Variants in CADPS2 observed in about 807,000 individuals in gnomAD.
CADPS2 encodes the protein calcium dependent secretion activator 2.
In CADPS2, 93 loss-of-function variants were observed where a neutral mutation model predicts 172.5. That is an observed-to-expected ratio of 0.54 (90% CI 0.46 to 0.64). The LOEUF (loss-of-function observed/expected upper bound fraction) is 0.64. CADPS2 is among the 30% of genes least tolerant of loss of function. The probability of loss-of-function intolerance (pLI) is 0.00; values close to 1 mark genes in which losing one functional copy is unlikely to be tolerated. For synonymous variants in CADPS2, 546 were observed against 555.2 expected (o/e 0.98, Z 0.23); for missense variants, 1,420 against 1,565.9 (o/e 0.91, Z 1.57).
At chr7:122,851,270 A>G (rs1813522671) in intron 1 of CADPS2, among the ~76,000 whole-genome samples, 1 of 152,104 alleles carries the variant, frequency 6.6e-6, no homozygotes, top group South Asian at 2.1e-4. Flanking sequence ...GTCCCCAGGG[A>G]TGTTCAACTG....
At chr7:122,820,500 C>CCA (rs201202910) in intron 1 of CADPS2, among the ~76,000 whole-genome samples, 2,060 of 148,356 alleles carry the variant, frequency 0.014, 53 homozygotes, top group African/African-American at 0.049. Flanking sequence ...AGAGCCAGGA[C>CCA]CACACCCTGT....
rs767409188 is a variant in CADPS2, at chr7:122,333,101, G to GTATGTAC, written c.3613-7527_3613-7521dup. On this transcript the variant is annotated intron_variant, in intron 28 of 29. Coordinates refer to ENST00000449022, the MANE Select transcript of CADPS2 (RefSeq NM_017954.11). ...CATTGATAAATCCAGTTATAATGGTGTATGTACTAGTTTGGGGTGCAAACA... is the reference window on the plus strand; with the variant it reads ...CATTGATAAATCCAGTTATAATGGTGTATGTACTATGTACTAGTTTGGGGTGCAAACA... Among the ~76,000 whole-genome samples, 48 of 152,284 alleles carry GTATGTAC rather than the reference G, an allele frequency of 3.2e-4. 1 individual carries two copies. Among genetic ancestry groups the GTATGTAC allele is most frequent in the Non-Finnish European group, 5.4e-4 (37 of 68,020 alleles).
At chr7:122,514,490 C>A (rs1008361846) in intron 8 of CADPS2, among the ~76,000 whole-genome samples, 1 of 151,944 alleles carries the variant, frequency 6.6e-6, no homozygotes, top group Non-Finnish European at 1.5e-5. Flanking sequence ...CCCCCTCCCC[C>A]CTTTAGAAAC....
intron 2 of CADPS2, among the ~76,000 whole-genome samples, chr7:122,690,854 G>C (rs2084257825): frequency 6.6e-6 from 1 of 152,196 alleles, no homozygotes; most frequent in Non-Finnish European, 1.5e-5. Flanking sequence ...AAACCATATA[G>C]TGTCAGTAGA....
At chr7:122,352,579 C>T (rs2038833009) in intron 27 of CADPS2, among the ~76,000 whole-genome samples, 1 of 152,212 alleles carries the variant, frequency 6.6e-6, no homozygotes, top group Non-Finnish European at 1.5e-5. Context: ...TCCTCCACTC[C>T]TAGACGAGTG....
intron 18 of CADPS2, 136 bp downstream of exon 18, chr7:122,415,925 C>G: frequency 2.1e-6 from 1 of 481,148 alleles, no homozygotes; most frequent in East Asian, 2.9e-5. Flanking sequence ...CAGTGAAACA[C>G]TGCTTATCGT....
intron 19 of CADPS2, among the ~76,000 whole-genome samples, chr7:122,410,608 A>C (rs2151700341): frequency 6.6e-6 from 1 of 152,332 alleles, no homozygotes; most frequent in Non-Finnish European, 1.5e-5. Context: ...ATCTGCAAAT[A>C]GGCAATAACA....
chr7:122,593,443 C>T (rs2071225285), intron 6 of CADPS2, among the ~76,000 whole-genome samples: 2 of 151,954 alleles, frequency 1.3e-5, no homozygotes, highest in Admixed American at 6.6e-5. Context: ...TTGGAAACCA[C>T]CAATAAGTGA....
intron 1 of CADPS2, among the ~76,000 whole-genome samples, chr7:122,852,702 G>A (rs1042296773): frequency 6.6e-6 from 1 of 152,158 alleles, no homozygotes; most frequent in Non-Finnish European, 1.5e-5. Context: ...AGCAGAGAGA[G>A]CAAGGGGGAG....
chr7:122,677,567 AATTT>A (rs1424237704), intron 2 of CADPS2, among the ~76,000 whole-genome samples: 3 of 152,206 alleles, frequency 2.0e-5, no homozygotes, highest in East Asian at 3.8e-4. Flanking sequence ...AAATAGCTAA[AATTT>A]ATTTTAGGGA....
At chr7:122,758,406 T>C (rs943045523) in intron 1 of CADPS2, among the ~76,000 whole-genome samples, 1 of 152,180 alleles carries the variant, frequency 6.6e-6, no homozygotes, top group African/African-American at 2.4e-5. Flanking sequence ...AAACATCGCG[T>C]ATGTATTATA....
At chr7:122,443,194 C>T (rs1253698861) in intron 15 of CADPS2, among the ~76,000 whole-genome samples, 1 of 152,174 alleles carries the variant, frequency 6.6e-6, no homozygotes, top group Non-Finnish European at 1.5e-5. Flanking sequence ...TGAGGTCCCA[C>T]TGGGTATGTT....
chr7:122,731,874 T>C (rs1156952901), intron 2 of CADPS2, among the ~76,000 whole-genome samples: 1 of 151,726 alleles, frequency 6.6e-6, no homozygotes, highest in Non-Finnish European at 1.5e-5. Flanking sequence ...TTTAGATATT[T>C]GGGTCAATTT....
At chr7:122,760,150 G>C (rs1488804918) in intron 1 of CADPS2, among the ~76,000 whole-genome samples, 1 of 151,276 alleles carries the variant, frequency 6.6e-6, no homozygotes, top group African/African-American at 2.4e-5. Flanking sequence ...TAATTACTAA[G>C]CAAACTATAT....
chr7:122,367,308 G>A (rs988638431), intron 25 of CADPS2, among the ~76,000 whole-genome samples: 1 of 151,998 alleles, frequency 6.6e-6, no homozygotes, highest in Non-Finnish European at 1.5e-5. Flanking sequence ...GAGAGAGAGA[G>A]AATGTATATA....
rs918882701 is a variant in CADPS2 at position 122,764,249 on chromosome 7, C to A, written c.340-27181G>T. Among the ~76,000 whole-genome samples, 4 of 152,220 alleles carry A rather than the reference C, an allele frequency of 2.6e-5. No homozygotes were observed. In the East Asian group the frequency reaches 7.8e-4, roughly 30 times the overall value. On this transcript the variant is annotated intron_variant, in intron 1 of 29. Transcript: ENST00000449022. ...TGTTCCTACATCACCCTATTCATATCCCTGTCACAGAAGAGCACACACAGT... is the reference window on the plus strand; with the variant it reads ...TGTTCCTACATCACCCTATTCATATACCTGTCACAGAAGAGCACACACAGT...
intron 6 of CADPS2, among the ~76,000 whole-genome samples, chr7:122,597,137 G>A (rs531470282): frequency 6.6e-4 from 100 of 152,092 alleles, no homozygotes; most frequent in African/African-American, 2.4e-3. Flanking sequence ...CTCTCATTTG[G>A]CCCCACCTCC....
intron 27 of CADPS2, among the ~76,000 whole-genome samples, chr7:122,350,541 A>C (rs2038390213): frequency 6.6e-6 from 1 of 152,218 alleles, no homozygotes; most frequent in Admixed American, 6.5e-5. Context: ...TATGTTGTAA[A>C]AAACTAAATA....
Position 122,790,026 on chromosome 7 carries a change from G to GTTTTTTTTT in CADPS2, c.340-52959_340-52958insAAAAAAAAA, listed in dbSNP as rs771290127. 2.8e-5 allele frequency among the ~76,000 whole-genome samples: 4 copies of GTTTTTTTTT among 141,076 alleles called. 1 individual carries two copies. The highest frequency in any genetic ancestry group is 3.0e-5 in the Non-Finnish European group (2 of 66,088). The allele number at this position is 141,076 out of a possible 152,430, so 92.6% of individuals were successfully genotyped here. Reference sequence around the variant, plus strand: ...ATAAGAATAGGCAAACAAATATTAAGTGTTTTTTTTTTTTTTTTTTGAAAA... The same window carrying GTTTTTTTTT: ...ATAAGAATAGGCAAACAAATATTAAGTTTTTTTTTTGTTTTTTTTTTTTTTTTTTGAAAA... On this transcript the variant is annotated intron_variant, in intron 1 of 29. Transcript: ENST00000449022.
Sources: allele counts gnomAD v4.1 joint callset (sites outside exome capture counted in the v4.1 genomes callset), GRCh38; gene constraint gnomAD v4.1.1; transcripts MANE v1.5; gene names NCBI Gene and HGNC (gene_info 2026-07-23, HGNC 2026-07-21).